The following LEMD3 variants were observed in gnomAD, a reference collection of about 807,000 sequenced individuals.
LEMD3 encodes inner nuclear membrane protein Man1.
A neutral mutation model predicts 95.2 loss-of-function variants in LEMD3; 33 were observed. That is an observed-to-expected ratio of 0.35 (90% CI 0.26 to 0.46). The LOEUF is 0.46. Among genes scored for constraint, LEMD3 ranks in the 20% least tolerant of loss-of-function variants. The probability of loss-of-function intolerance (pLI) is 1.00; values close to 1 mark genes in which losing one functional copy is unlikely to be tolerated. For missense variants in LEMD3, 1,210 were observed against 1,192.8 expected (o/e 1.01, Z -0.21); for synonymous variants, 525 against 474.6 (o/e 1.11, Z -1.38).
intron 1 of LEMD3, 159 bp downstream of exon 1, chr12:65,171,277 A>G: frequency 7.7e-7 from 1 of 1,299,362 alleles, no homozygotes. Flanking sequence ...CTTAAAGAAC[A>G]CCATTATCGA....
intron 2 of LEMD3, among the ~76,000 whole-genome samples, chr12:65,213,572 T>A (rs1055632357): frequency 6.6e-6 from 1 of 152,212 alleles, no homozygotes; most frequent in Non-Finnish European, 1.5e-5. Flanking sequence ...AAACTATAGT[T>A]GAGCTTTCTG....
At chr12:65,216,668 T>G (rs1388031312) in intron 3 of LEMD3, among the ~76,000 whole-genome samples, 2 of 151,964 alleles carry the variant, frequency 1.3e-5, no homozygotes, top group Non-Finnish European at 2.9e-5. Flanking sequence ...AGAAGAGACT[T>G]GGATTCTTGT....
rs752248386 is a variant in LEMD3 at position 65,245,657 on chromosome 12, A to T, written c.2388-12A>T. 1 of 1,601,860 alleles carries T rather than the reference A, an allele frequency of 6.2e-7. No homozygotes were observed. Among genetic ancestry groups the T allele is most frequent in the South Asian group, 1.1e-5 (1 of 90,832 alleles). On this transcript the variant is annotated splice_polypyrimidine_tract_variant and intron_variant, in intron 10 of 12. Transcript: ENST00000308330. Reference sequence around the variant, plus strand: ...AATATGGTTGTTGATTTTTGTTTTCATTAACTTTTAGGGAAATAGGGGATC... The same window carrying T: ...AATATGGTTGTTGATTTTTGTTTTCTTTAACTTTTAGGGAAATAGGGGATC...
At chr12:65,190,195 T>C (rs1869194502) in intron 1 of LEMD3, among the ~76,000 whole-genome samples, 1 of 152,150 alleles carries the variant, frequency 6.6e-6, no homozygotes, top group Non-Finnish European at 1.5e-5. Flanking sequence ...CTTATGCAAG[T>C]AACTTACTGC....
At position 65,247,590 on chromosome 12, in the gene LEMD3, C is replaced by G. The variant is rs1474140671; in HGVS notation, c.*1265C>G. Reference sequence around the variant, plus strand: ...TTGCTGAGTAAATTTTACTTGTAATCTACAATTGGCTTTTTAAAAATAACC... The same window carrying G: ...TTGCTGAGTAAATTTTACTTGTAATGTACAATTGGCTTTTTAAAAATAACC... On this transcript the variant is annotated 3_prime_UTR_variant, in exon 13 of 13. Coordinates refer to ENST00000308330, the MANE Select transcript of LEMD3 (RefSeq NM_014319.5). The G allele has an allele frequency of 2.0e-5, 3 of 152,116 alleles. No individual in the cohort carries two copies. The highest frequency in any genetic ancestry group is 4.4e-5 in the Non-Finnish European group (3 of 67,986). The allele number at this position is 152,116 out of a possible 1,614,324, so 9.4% of individuals were successfully genotyped here.
chr12:65,194,735 A>G (rs1166983940), intron 1 of LEMD3, among the ~76,000 whole-genome samples: 2 of 127,112 alleles, frequency 1.6e-5, no homozygotes, highest in Non-Finnish European at 3.2e-5. Context: ...TCATCTTCCT[A>G]ATTTTGTGGT....
In LEMD3 at chr12:65,245,769, C is replaced by T. The variant is rs766583566; in HGVS notation, c.2488C>T (p.Arg830Cys). 1.3e-5 allele frequency: 21 copies of T among 1,611,488 alleles called. No homozygotes were observed. The South Asian group carries it at 1.4e-4, about 11-fold the overall frequency. The change falls in exon 11 of 13, where the codon CGT becomes TGT. Residue 830 changes from arginine (R) to cysteine (C), a missense_variant. Transcript: ENST00000308330. The stretch of plus-strand genomic sequence containing the variant: ...TCACATTGCAGTAGACAAAAATTCA[C>T]GTGAGGTAAAGTAACTTTTGGTATT... ...IVHIAVDKNSREGCVYVKCLS... is the reference protein window; with the variant it reads ...IVHIAVDKNSCEGCVYVKCLS...
At position 65,241,003 on chromosome 12, in the gene LEMD3, G is replaced by C; in HGVS notation, c.2221G>C (p.Asp741His). ...RTETRRIGGA[D>H]FLVWRWIQPS... ...GGAAACACGAAGAATAGGTGGTGCAGATTTTCTGGTTTGGCGGTGGATCCA... is the reference window on the plus strand; with the variant it reads ...GGAAACACGAAGAATAGGTGGTGCACATTTTCTGGTTTGGCGGTGGATCCA... The change falls in exon 9 of 13, where the codon GAT becomes CAT. Residue 741 changes from aspartate (D) to histidine (H), a missense_variant. Physicochemically the swap from Asp to His is moderately conservative, Grantham distance 81. Transcript: ENST00000308330. 6.2e-7 allele frequency: 1 copy of C among 1,614,138 alleles called. No individual in the cohort carries two copies. The highest frequency in any genetic ancestry group is 1.1e-5 in the South Asian group (1 of 91,084).
chr12:65,232,409 A>G (rs1565797137), intron 4 of LEMD3, among the ~76,000 whole-genome samples: 1 of 152,158 alleles, frequency 6.6e-6, no homozygotes, highest in African/African-American at 2.4e-5. Context: ...TAATTTTTTC[A>G]CAACTTCTAG....
At chr12:65,226,840 G>A (rs1161965360) in intron 4 of LEMD3, among the ~76,000 whole-genome samples, 2 of 152,316 alleles carry the variant, frequency 1.3e-5, no homozygotes, top group South Asian at 2.1e-4. Context: ...GATGATTATA[G>A]TAGCTTCCCA....
Position 65,238,714 on chromosome 12 carries a change from T to C in LEMD3, c.1821T>C (p.Asp607=). The change falls in exon 6 of 13, where the codon GAT becomes GAC. Residue 607 remains aspartate, a synonymous_variant. Coordinates refer to ENST00000308330, the MANE Select transcript of LEMD3 (RefSeq NM_014319.5). ...GPEEELTNIT[D]VQFLQSTRPL... The stretch of plus-strand genomic sequence containing the variant: ...AGGAAGAATTGACAAATATAACTGA[T>C]GTGCAGTTTTTACAGTCCACAAGAC... 1 of 1,614,100 alleles carries C rather than the reference T, an allele frequency of 6.2e-7. No individual in the cohort carries two copies. The highest frequency in any genetic ancestry group is 8.5e-7 in the Non-Finnish European group (1 of 1,179,958).
At chr12:65,225,932 T>C (rs1592455460) in intron 4 of LEMD3, among the ~76,000 whole-genome samples, 1 of 152,328 alleles carries the variant, frequency 6.6e-6, no homozygotes, top group East Asian at 1.9e-4. Flanking sequence ...TACTGAGTCC[T>C]ATCCGCATTT....
At chr12:65,173,832 T>TA (rs1868629577) in intron 1 of LEMD3, among the ~76,000 whole-genome samples, 1 of 152,214 alleles carries the variant, frequency 6.6e-6, no homozygotes, top group South Asian at 2.1e-4. Context: ...AAATGTATGA[T>TA]ACACTTGATG....
intron 1 of LEMD3, among the ~76,000 whole-genome samples, chr12:65,176,105 C>A (rs1325219502): frequency 6.6e-6 from 1 of 152,196 alleles, no homozygotes; most frequent in Non-Finnish European, 1.5e-5. Flanking sequence ...AAAATGGTGT[C>A]CCTGCTTCTA....
At chr12:65,241,582 A>G (rs1389092326) in intron 9 of LEMD3, among the ~76,000 whole-genome samples, 1 of 151,940 alleles carries the variant, frequency 6.6e-6, no homozygotes, top group Non-Finnish European at 1.5e-5. Context: ...ATTTTTCTTA[A>G]TGCCTACATA....
At position 65,238,697 on chromosome 12, in the gene LEMD3, T is replaced by C. The variant is rs746792069; in HGVS notation, c.1804T>C (p.Leu602=). The C allele has an allele frequency of 1.7e-5, 28 of 1,613,980 alleles. No individual in the cohort carries two copies. In the East Asian group the frequency reaches 3.8e-4, roughly 22 times the overall value. Residue 602 remains leucine, a synonymous_variant, in exon 6 of 13, where the codon TTG becomes CTG. Coordinates refer to ENST00000308330, the MANE Select transcript of LEMD3 (RefSeq NM_014319.5). ...TGTTGGTTTTGGCCCTGAGGAAGAA[T>C]TGACAAATATAACTGATGTGCAGTT... ...RCVGFGPEEE[L]TNITDVQFLQ...
chr12:65,233,671 A>T (rs1481068781), intron 4 of LEMD3, among the ~76,000 whole-genome samples: 3 of 152,246 alleles, frequency 2.0e-5, no homozygotes, highest in African/African-American at 7.2e-5. Flanking sequence ...AGTTTCATAA[A>T]CTATCCATAT....
chr12:65,215,045 C>T (rs1467493936), intron 2 of LEMD3, among the ~76,000 whole-genome samples: 1 of 152,160 alleles, frequency 6.6e-6, no homozygotes, highest in Non-Finnish European at 1.5e-5. Flanking sequence ...GTTTTACTCT[C>T]CTGCTAAATT....
At chr12:65,194,421 T>G (rs966058245) in intron 1 of LEMD3, among the ~76,000 whole-genome samples, 12 of 152,114 alleles carry the variant, frequency 7.9e-5, no homozygotes, top group Non-Finnish European at 1.6e-4. Flanking sequence ...AAGGATAGTT[T>G]GGTGGACAAG....
Sources: gnomAD v4.1 joint callset for allele counts (sites outside exome capture counted in the v4.1 genomes callset) on GRCh38, gnomAD v4.1.1 for gene constraint, MANE v1.5 for transcripts, NCBI Gene and HGNC (gene_info 2026-07-23, HGNC 2026-07-21) for gene names.